The following ROBO1 variants were observed in gnomAD, a reference collection of about 807,000 sequenced individuals.
ROBO1 encodes the protein roundabout guidance receptor 1.
Under a neutral mutation model 195.9 loss-of-function variants are expected in ROBO1, and 149 were observed. That is an observed-to-expected ratio of 0.76 (90% confidence interval 0.67 to 0.87). The LOEUF is 0.87. Among genes scored for constraint, ROBO1 ranks in the 40% least tolerant of loss-of-function variants. The probability of loss-of-function intolerance (pLI) is 0.00; values close to 1 mark genes in which losing one functional copy is unlikely to be tolerated. For missense variants in ROBO1, 1,933 were observed against 2,068.3 expected (o/e 0.93, Z 1.27); for synonymous variants, 816 against 733.2 (o/e 1.11, Z -1.82).
chr3:78,823,874 C>CTG lies in ROBO1; in HGVS notation c.500-76976_500-76975dup, dbSNP rs374708762. ...TTTCTTTTTTTCTCAAATTTTGTCA[C>CTG]TGTGTGTGTGTGTGTGTATGTATGT... On this transcript the variant is annotated intron_variant, in intron 4 of 30. Transcript: ENST00000464233. Among the ~76,000 whole-genome samples, 1,367 of 150,426 alleles carry CTG rather than the reference C, an allele frequency of 9.1e-3. 17 individuals are homozygous for CTG. The highest frequency in any genetic ancestry group is 0.03 in the African/African-American group (1,223 of 41,080).
intron 2 of ROBO1, among the ~76,000 whole-genome samples, chr3:79,430,418 T>C (rs1042057991): frequency 6.6e-6 from 1 of 152,146 alleles, no homozygotes; most frequent in African/African-American, 2.4e-5. Flanking sequence ...TGAAGGACTA[T>C]AGCCACTTTT....
intron 2 of ROBO1, among the ~76,000 whole-genome samples, chr3:79,317,852 G>T (rs2033805835): frequency 6.6e-6 from 1 of 151,980 alleles, no homozygotes; most frequent in Non-Finnish European, 1.5e-5. Context: ...ACAGATCTGT[G>T]TTATACACAC....
rs201344014 is a variant in ROBO1 at position 79,372,888 on chromosome 3, A to AT, written c.88+216935dup. On this transcript the variant is annotated intron_variant, in intron 2 of 30. Transcript: ENST00000464233. ...ATATTAGCATGTTGTAAAAACTAGT[A>AT]TTTTTTTTTTTATCTTCTTTTACAT... 4.0e-3 allele frequency among the ~76,000 whole-genome samples: 587 copies of AT among 147,796 alleles called. 1 individual carries two copies. Among genetic ancestry groups the AT allele is most frequent in the Middle Eastern group, 0.011 (3 of 284 alleles).
intron 2 of ROBO1, among the ~76,000 whole-genome samples, chr3:79,537,990 A>T (rs11714977): frequency 6.6e-6 from 1 of 151,928 alleles, no homozygotes; most frequent in Non-Finnish European, 1.5e-5. Flanking sequence ...AAAGTTTACA[A>T]ATTTGTGTTG....
chr3:78,773,285 A>G (rs991422007), intron 4 of ROBO1, among the ~76,000 whole-genome samples: 2 of 152,116 alleles, frequency 1.3e-5, no homozygotes, highest in Admixed American at 6.5e-5. Flanking sequence ...ATCAGTATCA[A>G]TTAGTTTAAT....
At chr3:79,412,848 G>C (rs1176027293) in intron 2 of ROBO1, among the ~76,000 whole-genome samples, 1 of 109,136 alleles carries the variant, frequency 9.2e-6, no homozygotes, top group Non-Finnish European at 1.8e-5. Flanking sequence ...GTTTTCTGGA[G>C]AATGATTTTA....
chr3:79,707,855 C>T (rs1947821048), intron 1 of ROBO1, among the ~76,000 whole-genome samples: 1 of 152,020 alleles, frequency 6.6e-6, no homozygotes, highest in African/African-American at 2.4e-5. Context: ...GTCAAAACAC[C>T]AGTAATTTAC....
At chr3:79,070,906 TA>T (rs1559637879) in intron 3 of ROBO1, among the ~76,000 whole-genome samples, 1 of 151,840 alleles carries the variant, frequency 6.6e-6, no homozygotes, top group Non-Finnish European at 1.5e-5. Flanking sequence ...TACTGACTTT[TA>T]AAATTTTTTA....
chr3:79,100,215 T>C (rs2079650175), intron 3 of ROBO1, among the ~76,000 whole-genome samples: 1 of 151,822 alleles, frequency 6.6e-6, no homozygotes, highest in South Asian at 2.1e-4. Context: ...AAGTGATGGA[T>C]ATAAATTAAT....
chr3:79,428,826 G>A (rs1368880459), intron 2 of ROBO1, among the ~76,000 whole-genome samples: 1 of 151,770 alleles, frequency 6.6e-6, no homozygotes, highest in East Asian at 1.9e-4. Flanking sequence ...CAACACCATG[G>A]ATGGATTTCA....
intron 22 of ROBO1, among the ~76,000 whole-genome samples, chr3:78,639,086 C>A (rs1406492807): frequency 6.6e-6 from 1 of 151,876 alleles, no homozygotes; most frequent in Non-Finnish European, 1.5e-5. Flanking sequence ...GCGGAGGTTG[C>A]AGTGAGCTGA....
chr3:78,688,825 T>C, intron 8 of ROBO1, 53 bp from the exon 9 acceptor site: 1 of 1,534,284 alleles, frequency 6.5e-7, no homozygotes, highest in South Asian at 1.2e-5. Context: ...GTTATTGTCC[T>C]AATTGAGACA....
intron 8 of ROBO1, among the ~76,000 whole-genome samples, chr3:78,705,256 T>C (rs1369915227): frequency 5.9e-5 from 9 of 152,198 alleles, no homozygotes; most frequent in African/African-American, 1.9e-4. Context: ...AGGGACCTGA[T>C]GAATTTTTAA....
chr3:79,068,853 C>T (rs2079043386), intron 3 of ROBO1, among the ~76,000 whole-genome samples: 1 of 151,886 alleles, frequency 6.6e-6, no homozygotes, highest in East Asian at 1.9e-4. Context: ...AAATCTTCCT[C>T]AACTTCTGCA....
rs138755333 is a variant in ROBO1, at chr3:79,057,345, G to A, written c.172+68111C>T. On this transcript the variant is annotated intron_variant, in intron 3 of 30. Transcript: ENST00000464233. Reference sequence around the variant, plus strand: ...AGAGGATATGTTTATGTTTCACCAGGAGATCATCAATCCCCTGTCTGGGTG... The same window carrying A: ...AGAGGATATGTTTATGTTTCACCAGAAGATCATCAATCCCCTGTCTGGGTG... Among the ~76,000 whole-genome samples, 549 of 152,050 alleles carry A rather than the reference G, an allele frequency of 3.6e-3. 7 individuals are homozygous for A. The highest frequency in any genetic ancestry group is 0.012 in the African/African-American group (510 of 41,486).
intron 2 of ROBO1, among the ~76,000 whole-genome samples, chr3:79,530,798 CACACACAT>C (rs1174940628): frequency 2.4e-4 from 34 of 140,122 alleles, no homozygotes; most frequent in African/African-American, 8.4e-4. Flanking sequence ...CACACACACA[CACACACAT>C]CCTTCCCTGG....
At chr3:79,643,969 C>T (rs1945742299) in intron 1 of ROBO1, among the ~76,000 whole-genome samples, 1 of 152,098 alleles carries the variant, frequency 6.6e-6, no homozygotes, top group African/African-American at 2.4e-5. Flanking sequence ...TCTATGCTGT[C>T]TACTTCACCT....
chr3:79,749,426 C>A (rs1263723835), intron 1 of ROBO1, among the ~76,000 whole-genome samples: 1 of 152,150 alleles, frequency 6.6e-6, no homozygotes, highest in Non-Finnish European at 1.5e-5. Flanking sequence ...ATTCAAGCCA[C>A]CTGCAGAAAT....
chr3:78,776,724 A>G (rs578255081), intron 4 of ROBO1, among the ~76,000 whole-genome samples: 6 of 152,354 alleles, frequency 3.9e-5, no homozygotes, highest in African/African-American at 1.2e-4. Flanking sequence ...ACCATGTTTA[A>G]CAGTAGAGAC....
Sources: allele counts gnomAD v4.1 joint callset (sites outside exome capture counted in the v4.1 genomes callset), GRCh38; gene constraint gnomAD v4.1.1; transcripts MANE v1.5; gene names NCBI Gene and HGNC (gene_info 2026-07-23, HGNC 2026-07-21).